Variants in STK40 observed in about 807,000 individuals in gnomAD.
STK40 encodes the protein serine/threonine-protein kinase 40.
STK40 carries 13 observed loss-of-function variants against 47.9 expected under a neutral mutation model. The observed-to-expected ratio is 0.27, with a 90% CI of 0.18 to 0.43. STK40 has a LOEUF of 0.43. Ranked by LOEUF, STK40 falls within the 20% of genes least tolerant of loss-of-function variation. The pLI, the probability that STK40 is intolerant of heterozygous loss-of-function variation, is 1.00. For synonymous variants in STK40, 225 were observed against 243.2 expected (o/e 0.93, Z 0.69); for missense variants, 460 against 595.1 (o/e 0.77, Z 2.36).
chr1:36,349,022 G>A (rs942629671), intron 6 of STK40, among the ~76,000 whole-genome samples: 4 of 152,186 alleles, frequency 2.6e-5, no homozygotes, highest in African/African-American at 4.8e-5. Flanking sequence ...GCCACCAGCC[G>A]AGCTGTCCCA....
At chr1:36,356,750 C>A (rs1457488519) in intron 4 of STK40, among the ~76,000 whole-genome samples, 1 of 152,100 alleles carries the variant, frequency 6.6e-6, no homozygotes, top group Non-Finnish European at 1.5e-5. Context: ...AAGAGCAGGA[C>A]CACACCTCAT....
chr1:36,357,359 A>G (rs1051729285), intron 4 of STK40, among the ~76,000 whole-genome samples: 4 of 152,354 alleles, frequency 2.6e-5, no homozygotes, highest in South Asian at 4.1e-4. Flanking sequence ...CCTGGCCAGC[A>G]AACGGCTGAG....
In STK40 at chr1:36,354,364, C is replaced by G; in HGVS notation, c.623G>C (p.Arg208Thr). 1 of 1,614,004 alleles carries G rather than the reference C, an allele frequency of 6.2e-7. No individual in the cohort carries two copies. Among genetic ancestry groups the G allele is most frequent in the Non-Finnish European group, 8.5e-7 (1 of 1,179,934 alleles). The change falls in exon 6 of 11, where the codon AGG becomes ACG. Residue 208 changes from arginine to threonine, a missense_variant and splice_region_variant. Around this residue, in one of 3 missense-constraint regions of STK40, gnomAD observed 277 missense variants for 358.7 expected, o/e 0.77. Coordinates refer to ENST00000373132, the MANE Select transcript of STK40 (RefSeq NM_001282547.2). The part of the protein sequence containing the change: ...LKLGNMVLNK[R>T]THRITITNFC... The stretch of plus-strand genomic sequence containing the variant: ...ATGGATGTAGAGACAGGGATCTTAC[C>G]TCTTGTTGAGCACCATGTTCCCCAG...
At position 36,341,973 on chromosome 1, in the gene STK40, C is replaced by T. The variant is rs770162943; in HGVS notation, c.1090G>A (p.Ala364Thr). Residue 364 changes from alanine (A) to threonine (T), a missense_variant and splice_region_variant, in exon 11 of 11, where the codon GCG becomes ACG. Physicochemically the swap from Ala to Thr is moderately conservative, Grantham distance 58 (BLOSUM62 0). Around this residue, in one of 3 missense-constraint regions of STK40, gnomAD observed 181 missense variants for 218.9 expected, o/e 0.83. Coordinates refer to ENST00000373132, the MANE Select transcript of STK40 (RefSeq NM_001282547.2). ...QMSNADSSQE[A>T]KVTEECSQYE... ...TGGGAGCACTCCTCCGTCACCTTCG[C>T]CTTTGAGGCGGGGAGGGTGGGAAGG... 6.2e-7 allele frequency: 1 copy of T among 1,611,650 alleles called. No individual in the cohort carries two copies. Among genetic ancestry groups the T allele is most frequent in the Non-Finnish European group, 8.5e-7 (1 of 1,178,698 alleles).
chr1:36,349,301 C>T (rs1228787031), intron 6 of STK40, among the ~76,000 whole-genome samples: 1 of 152,238 alleles, frequency 6.6e-6, no homozygotes, highest in East Asian at 1.9e-4. Flanking sequence ...CACCTCCGAA[C>T]CACGGAATAT....
chr1:36,344,132 T>A lies in STK40; in HGVS notation c.872A>T (p.Tyr291Phe), dbSNP rs1646679229. ...AGGCAGGACTCACTCAGGAATGGTA[T>A]ACTCGGCAGCCTTGATCTTGCGGAA... The part of the protein sequence containing the change: ...ELFRKIKAAE[Y>F]TIPEDGRVSE... The change falls in exon 8 of 11, where the codon TAT (tyrosine) becomes TTT (phenylalanine). Residue 291 changes from tyrosine (Y) to phenylalanine (F), a missense_variant. By Grantham distance (22) the Tyr-to-Phe change is conservative. Around this residue, in one of 3 missense-constraint regions of STK40, gnomAD observed 181 missense variants for 218.9 expected, o/e 0.83. Transcript: ENST00000373132. 6.2e-7 allele frequency: 1 copy of A among 1,607,070 alleles called. No homozygotes were observed. The highest frequency in any genetic ancestry group is 1.4e-5 in the African/African-American group (1 of 73,546).
At chr1:36,348,057 T>C (rs909370313) in intron 7 of STK40, among the ~76,000 whole-genome samples, 3 of 152,254 alleles carry the variant, frequency 2.0e-5, no homozygotes, top group Non-Finnish European at 2.9e-5. Context: ...CTCCAAAGTG[T>C]CTAGAACAGA....
At chr1:36,361,553 T>G (rs1268988935) in intron 1 of STK40, among the ~76,000 whole-genome samples, 1 of 152,162 alleles carries the variant, frequency 6.6e-6, no homozygotes, top group Non-Finnish European at 1.5e-5. Flanking sequence ...GTGGACATCC[T>G]TTAAGGCAGC....
At position 36,346,834 on chromosome 1, in the gene STK40, C is replaced by A. The variant is rs113634176; in HGVS notation, c.739+1866G>T. ...TGCAAGAGAGGAGTCCCATCCAGGGCTAGCCCACAGCCTGAGCCCTGCAAA... is the reference window on the plus strand; with the variant it reads ...TGCAAGAGAGGAGTCCCATCCAGGGATAGCCCACAGCCTGAGCCCTGCAAA... On this transcript the variant is annotated intron_variant, in intron 7 of 10. Coordinates refer to ENST00000373132, the MANE Select transcript of STK40 (RefSeq NM_001282547.2). Among the ~76,000 whole-genome samples the A allele has an allele frequency of 6.7e-3, 1,019 of 152,308 alleles. 8 individuals carry two copies. The highest frequency in any genetic ancestry group is 0.023 in the African/African-American group (958 of 41,584).
At chr1:36,348,839 C>A in intron 6 of STK40, 24 bp from the exon 7 acceptor site, 1 of 1,571,622 alleles carries the variant, frequency 6.4e-7, no homozygotes, top group Non-Finnish European at 8.7e-7. Flanking sequence ...ACAGAGTGAA[C>A]AAACCTCAGT....
At chr1:36,351,591 T>C (rs1646758822) in intron 6 of STK40, among the ~76,000 whole-genome samples, 1 of 152,154 alleles carries the variant, frequency 6.6e-6, no homozygotes, top group Admixed American at 6.5e-5. Context: ...GGGGGATTTA[T>C]CAGATTCAGG....
In STK40 at chr1:36,355,372, T is replaced by G. The variant is rs1394236795; in HGVS notation, c.404A>C (p.Lys135Thr). Residue 135 changes from lysine (K) to threonine (T), a missense_variant, in exon 5 of 11, where the codon AAG (lysine) becomes ACG (threonine). Physicochemically the swap from Lys to Thr is moderately conservative, Grantham distance 78. Around this residue, in one of 3 missense-constraint regions of STK40, gnomAD observed 277 missense variants for 358.7 expected, o/e 0.77. Coordinates refer to ENST00000373132, the MANE Select transcript of STK40 (RefSeq NM_001282547.2). ...GCAGTCCAGGACGAGGCAGATGCGC[T>G]TCTTCATCTTCTTAACCATCCGGCT... Reference protein sequence around the residue: ...ESSRMVKKMKKRICLVLDCLC... With the variant: ...ESSRMVKKMKTRICLVLDCLC... The G allele has an allele frequency of 8.7e-6, 14 of 1,614,040 alleles. No individual in the cohort carries two copies. The highest frequency in any genetic ancestry group is 1.3e-5 in the African/African-American group (1 of 74,934).
At chr1:36,358,864 G>A (rs1646828583) in intron 2 of STK40, 42 bp from the exon 3 acceptor site, 4 of 1,612,576 alleles carry the variant, frequency 2.5e-6, no homozygotes, top group Non-Finnish European at 3.4e-6. Context: ...CAGAAGCCCT[G>A]GCTGTCACGA....
rs373380384 is a variant in STK40, at chr1:36,356,449, G to A, written c.343-1016C>T. Among the ~76,000 whole-genome samples, 69 of 128,796 alleles carry A rather than the reference G, an allele frequency of 5.4e-4. 1 individual carries two copies. The East Asian group carries it at 0.012, about 22-fold the overall frequency. The allele number at this position is 128,796 out of a possible 152,430, so 84.5% of individuals were successfully genotyped here. A position where few individuals can be genotyped will look rare whatever the true frequency, so the allele number is the denominator to read the frequency against. ...TTTTTTTTTTTTTTTTTTGTGAGAC[G>A]GAGTCTCACTCTGTTGCCCAGGCTG... is the stretch of plus-strand genomic sequence containing the variant. On this transcript the variant is annotated intron_variant, in intron 4 of 10. Coordinates refer to ENST00000373132, the MANE Select transcript of STK40 (RefSeq NM_001282547.2).
rs752416981 is a variant in STK40 at position 36,341,620 on chromosome 1, G to A, written c.*135C>T. ...CCTCTGCTGACCCCACGTGTGACCT[G>A]GGCTGTCCCTGTCCCTGCCCTGTCC... On this transcript the variant is annotated 3_prime_UTR_variant, in exon 11 of 11. Coordinates refer to ENST00000373132, the MANE Select transcript of STK40 (RefSeq NM_001282547.2). 104 of 1,058,870 alleles carry A rather than the reference G, an allele frequency of 9.8e-5. No homozygotes were observed. The highest frequency in any genetic ancestry group is 1.3e-4 in the Non-Finnish European group (99 of 734,328). 65.6% of individuals were successfully genotyped at this position (1,058,870 alleles called of 1,614,324 possible).
chr1:36,343,982 G>T lies in STK40; in HGVS notation c.885-3C>A. ...TGTTCTCAGAAACCCGTCCATCCCT[G>T]AGGCAGGGAGTTGGGGAGGAGGGCT... is the stretch of plus-strand genomic sequence containing the variant. On this transcript the variant is annotated splice_region_variant and splice_polypyrimidine_tract_variant and intron_variant, in intron 8 of 10. Coordinates refer to ENST00000373132, the MANE Select transcript of STK40 (RefSeq NM_001282547.2). The T allele has an allele frequency of 6.2e-7, 1 of 1,601,778 alleles. No individual in the cohort carries two copies. The highest frequency in any genetic ancestry group is 8.5e-7 in the Non-Finnish European group (1 of 1,171,160).
At chr1:36,356,479 G>C (rs1570446181) in intron 4 of STK40, among the ~76,000 whole-genome samples, 1 of 139,240 alleles carries the variant, frequency 7.2e-6, no homozygotes, top group African/African-American at 2.7e-5. Context: ...AGGCTGGAGT[G>C]CAGTGTCACG....
At chr1:36,356,759 A>C (rs1367373336) in intron 4 of STK40, among the ~76,000 whole-genome samples, 1 of 152,062 alleles carries the variant, frequency 6.6e-6, no homozygotes, top group African/African-American at 2.4e-5. Context: ...ACCACACCTC[A>C]TATTTGCTTT....
chr1:36,360,899 C>T (rs1198472790), intron 2 of STK40, among the ~76,000 whole-genome samples: 3 of 152,110 alleles, frequency 2.0e-5, no homozygotes, highest in South Asian at 4.2e-4. Context: ...CCTGTGAGCA[C>T]GTCACCATTC....
Sources: allele counts gnomAD v4.1 joint callset (sites outside exome capture counted in the v4.1 genomes callset), GRCh38; gene constraint gnomAD v4.1.1; regional missense constraint gnomAD v4.1.1; transcripts MANE v1.5; gene names NCBI Gene and HGNC (gene_info 2026-07-23, HGNC 2026-07-21).